ADARB2: variants seen among roughly 807,000 people sequenced by gnomAD.
ADARB2 encodes the protein adenosine deaminase RNA specific B2 (inactive), also known as inactive double-stranded RNA-specific editase B2.
A neutral mutation model predicts 62.2 loss-of-function variants in ADARB2; 25 were observed. The ratio of observed to expected loss-of-function variants is 0.40; its 90% CI spans 0.29 to 0.56. ADARB2 has a LOEUF of 0.56. Among genes scored for constraint, ADARB2 ranks in the 20% least tolerant of loss-of-function variants. The pLI is 0.43. For missense variants in ADARB2, 1,071 were observed against 1,077.4 expected, an observed-to-expected ratio of 0.99 and a Z score of 0.08; for synonymous variants, 572 against 500.8, an observed-to-expected ratio of 1.14 and a Z score of -1.90.
intron 1 of ADARB2, among the ~76,000 whole-genome samples, chr10:1,673,116 C>A (rs898983598): frequency 2.0e-5 from 3 of 152,070 alleles, no homozygotes; most frequent in African/African-American, 4.8e-5. Context: ...CTCCCAGGGC[C>A]AGTAATACTG....
intron 1 of ADARB2, among the ~76,000 whole-genome samples, chr10:1,663,476 C>T (rs1834274830): frequency 6.6e-6 from 1 of 152,154 alleles, no homozygotes; most frequent in African/African-American, 2.4e-5. Flanking sequence ...AACCATGAAT[C>T]TTTTTACTGT....
chr10:1,498,299 C>T (rs984313643), intron 1 of ADARB2, among the ~76,000 whole-genome samples: 2 of 151,980 alleles, frequency 1.3e-5, no homozygotes, highest in African/African-American at 4.8e-5. Flanking sequence ...CACTTGAACC[C>T]AGGAGGCAGA....
chr10:1,488,431 T>C (rs1452888008), intron 1 of ADARB2, among the ~76,000 whole-genome samples: 1 of 152,200 alleles, frequency 6.6e-6, no homozygotes, highest in Non-Finnish European at 1.5e-5. Context: ...AATTAAGGCC[T>C]TTCCTAAAGA....
rs754456295 is a variant in ADARB2, at chr10:1,681,073, G to A, written c.100+55978C>T. 2.6e-5 allele frequency among the ~76,000 whole-genome samples: 4 copies of A among 152,208 alleles called. No individual in the cohort carries two copies. The East Asian group carries it at 7.7e-4, about 29-fold the overall frequency. The stretch of plus-strand genomic sequence containing the variant: ...GCCTGAGAGAAGTGGGAAGCGTCAG[G>A]TTTGAAGGCAGCCCCTGGACAGGAA... On this transcript the variant is annotated intron_variant, in intron 1 of 9. Transcript: ENST00000381312.
chr10:1,545,786 A>G (rs1167962758), intron 1 of ADARB2, among the ~76,000 whole-genome samples: 3 of 152,198 alleles, frequency 2.0e-5, no homozygotes, highest in Admixed American at 6.5e-5. Flanking sequence ...CGCACGGGGC[A>G]TGTAGTCAGT....
chr10:1,338,251 T>G (rs1439184346), intron 3 of ADARB2, among the ~76,000 whole-genome samples: 1 of 152,186 alleles, frequency 6.6e-6, no homozygotes, highest in Non-Finnish European at 1.5e-5. Context: ...CGAACATAGC[T>G]TCAGAGCTTC....
chr10:1,486,729 G>T (rs1226799092), intron 1 of ADARB2, among the ~76,000 whole-genome samples: 1 of 152,120 alleles, frequency 6.6e-6, no homozygotes, highest in African/African-American at 2.4e-5. Context: ...GACCAGGGTT[G>T]GTGGGGACTG....
At chr10:1,676,761 C>T (rs922409641) in intron 1 of ADARB2, among the ~76,000 whole-genome samples, 9 of 146,716 alleles carry the variant, frequency 6.1e-5, no homozygotes, top group African/African-American at 2.0e-4. Flanking sequence ...CCTACTTCCA[C>T]GGACACTCGT....
rs1391322572 is a variant in ADARB2, at chr10:1,493,853, G to T, written c.101-114693C>A. On this transcript the variant is annotated intron_variant, in intron 1 of 9. Coordinates refer to ENST00000381312, the MANE Select transcript of ADARB2 (RefSeq NM_018702.4). ...AGCTCACTGCAACCTCCGCCTCCTG[G>T]GTTGAAGCGGTTCTCCCGCCTCAGC... 2.8e-5 allele frequency among the ~76,000 whole-genome samples: 4 copies of T among 142,516 alleles called. No individual in the cohort carries two copies. In the East Asian group the frequency reaches 8.7e-4, roughly 31 times the overall value. The allele number at this position is 142,516 out of a possible 152,430, so 93.5% of individuals were successfully genotyped here.
At chr10:1,530,731 C>T (rs1267483281) in intron 1 of ADARB2, among the ~76,000 whole-genome samples, 2 of 152,250 alleles carry the variant, frequency 1.3e-5, no homozygotes, top group East Asian at 1.9e-4. Context: ...TCCCTGCTCA[C>T]GGCATCTCTG....
chr10:1,243,374 G>A (rs142032031), intron 4 of ADARB2, among the ~76,000 whole-genome samples: 286 of 152,302 alleles, frequency 1.9e-3, no homozygotes, highest in Middle Eastern at 0.014. Context: ...TTAATGTCAC[G>A]CCAGAAGCAG....
At position 1,182,193 on chromosome 10, in the gene ADARB2, A is replaced by C. The variant is rs1836683141; in HGVS notation, c.*1000T>G. 1 of 152,248 alleles carries C rather than the reference A, an allele frequency of 6.6e-6. No individual in the cohort carries two copies. The highest frequency in any genetic ancestry group is 2.4e-5 in the African/African-American group (1 of 41,460). 9.4% of individuals were successfully genotyped at this position (152,248 alleles called of 1,614,324 possible). A position where few individuals can be genotyped will look rare whatever the true frequency, so the allele number is the denominator to read the frequency against. On this transcript the variant is annotated 3_prime_UTR_variant, in exon 10 of 10. Coordinates refer to ENST00000381312, the MANE Select transcript of ADARB2 (RefSeq NM_018702.4). ...TGCTTTCTAATGAAAATTTAGTTAA[A>C]AAATCAGAATTTGATCAAAGACTTG...
chr10:1,295,692 A>G (rs1434473291), intron 3 of ADARB2, among the ~76,000 whole-genome samples: 1 of 152,230 alleles, frequency 6.6e-6, no homozygotes, highest in African/African-American at 2.4e-5. Flanking sequence ...GAAGGGTCTC[A>G]TTAAGAATTT....
intron 3 of ADARB2, among the ~76,000 whole-genome samples, chr10:1,301,902 G>A (rs72762929): frequency 0.055 from 8,423 of 152,244 alleles, 301 homozygotes; most frequent in South Asian, 0.12. Context: ...CCCACAATTG[G>A]TGACCTTACA....
intron 1 of ADARB2, among the ~76,000 whole-genome samples, chr10:1,581,103 G>A (rs182167239): frequency 4.6e-5 from 7 of 152,332 alleles, no homozygotes; most frequent in Admixed American, 1.3e-4. Context: ...GCTGGAATAC[G>A]TGGTGAAAAT....
intron 1 of ADARB2, among the ~76,000 whole-genome samples, chr10:1,592,364 C>T (rs12258188): frequency 0.02 from 2,325 of 117,782 alleles, 213 homozygotes; most frequent in African/African-American, 0.077. Context: ...TGGCATGGTC[C>T]CCTCTGTCAC....
intron 3 of ADARB2, among the ~76,000 whole-genome samples, chr10:1,299,403 G>A (rs1398938798): frequency 6.6e-6 from 1 of 152,172 alleles, no homozygotes; most frequent in Non-Finnish European, 1.5e-5. Context: ...CCTGCCCCTG[G>A]TGAAGATCTA....
chr10:1,347,457 C>G (rs74119536), intron 3 of ADARB2, among the ~76,000 whole-genome samples: 166 of 152,348 alleles, frequency 1.1e-3, no homozygotes, highest in African/African-American at 3.9e-3. Flanking sequence ...ACTTGGCACT[C>G]AAGGGCTTAG....
intron 8 of ADARB2, among the ~76,000 whole-genome samples, chr10:1,185,761 G>C (rs1018972949): frequency 1.3e-5 from 2 of 152,190 alleles, no homozygotes; most frequent in African/African-American, 2.4e-5. Flanking sequence ...AGAGAGAGCC[G>C]GCATCTTCAG....
Sources: gnomAD v4.1 joint callset for allele counts (sites outside exome capture counted in the v4.1 genomes callset) on GRCh38, gnomAD v4.1.1 for gene constraint, MANE v1.5 for transcripts, NCBI Gene and HGNC (gene_info 2026-07-23, HGNC 2026-07-21) for gene names.